DMBT1: variants seen among roughly 807,000 people sequenced by gnomAD.
The protein encoded by DMBT1 is scavenger receptor cysteine-rich domain-containing protein DMBT1.
In DMBT1, 198 loss-of-function variants were observed where a neutral mutation model predicts 252.9. That is an observed-to-expected ratio of 0.78 (90% CI 0.70 to 0.88). DMBT1 has a LOEUF of 0.88. Among genes scored for constraint, DMBT1 ranks in the 40% least tolerant of loss-of-function variants. DMBT1 has a pLI of 0.00. For missense variants in DMBT1, 2,432 were observed against 2,404.7 expected (o/e 1.01, Z -0.24); for synonymous variants, 990 against 942.7 (o/e 1.05, Z -0.92).
At chr10:122,564,138 T>C (rs907412139) in intron 1 of DMBT1, among the ~76,000 whole-genome samples, 12 of 152,344 alleles carry the variant, frequency 7.9e-5, no homozygotes, top group East Asian at 7.7e-4. Flanking sequence ...AAGCCATCAA[T>C]ATGAAGCAGG....
chr10:122,629,805 T>C (rs1447795412), intron 46 of DMBT1, 35 bp from the exon 47 acceptor site: 1 of 1,604,580 alleles, frequency 6.2e-7, no homozygotes, highest in Non-Finnish European at 8.5e-7. Flanking sequence ...CCTGAAGACC[T>C]GGTACAATGG....
In DMBT1 at chr10:122,597,978, A is replaced by G. The variant is rs3980980; in HGVS notation, c.2922A>G (p.Thr974=). Residue 974 remains threonine, a synonymous_variant, in exon 25 of 56, where the codon ACA becomes ACG. Transcript: ENST00000338354. ...TTGTCTCTGTTGCAATTACAGACAC[A>G]TTGCCGACCATCACCTTGCCTGCAT... The part of the protein sequence containing the change: ...AHSWSTPSPD[T]LPTITLPAST... 1,662 of 1,613,292 alleles carry G rather than the reference A, an allele frequency of 1.0e-3. 9 individuals are homozygous for G. In the African/African-American group the frequency reaches 0.012, roughly 11 times the overall value.
At chr10:122,599,142 G>A (rs981878122) in intron 26 of DMBT1, 45 bp downstream of exon 26, 1 of 1,613,208 alleles carries the variant, frequency 6.2e-7, no homozygotes, top group African/African-American at 1.3e-5. Flanking sequence ...GGTGGAGTTT[G>A]CTCCAGAAGA....
intron 8 of DMBT1, among the ~76,000 whole-genome samples, chr10:122,578,048 A>G (rs1321540273): frequency 6.6e-6 from 1 of 152,214 alleles, no homozygotes; most frequent in African/African-American, 2.4e-5. Context: ...CTCAGCTTTC[A>G]TCACACAGTT....
intron 2 of DMBT1, among the ~76,000 whole-genome samples, chr10:122,567,305 A>T (rs555266663): frequency 6.6e-6 from 1 of 152,362 alleles, no homozygotes; most frequent in South Asian, 2.1e-4. Context: ...TCTCTGATCC[A>T]GAAGAGTTGC....
At chr10:122,617,349 C>G in intron 40 of DMBT1, 89 bp downstream of exon 40, 1 of 1,479,600 alleles carries the variant, frequency 6.8e-7, no homozygotes, top group Admixed American at 1.7e-5. Flanking sequence ...CAAGGTGGGC[C>G]CCTCTCTTTT....
intron 8 of DMBT1, among the ~76,000 whole-genome samples, chr10:122,578,186 C>A (rs1281240493): frequency 6.6e-6 from 1 of 152,174 alleles, no homozygotes; most frequent in Non-Finnish European, 1.5e-5. Flanking sequence ...CTCTAATGTT[C>A]TGTTGAAGGC....
chr10:122,620,941 G>A (rs1353696080), intron 43 of DMBT1, 116 bp from the exon 44 acceptor site: 17 of 1,541,644 alleles, frequency 1.1e-5, no homozygotes, highest in African/African-American at 1.4e-5. Flanking sequence ...CATATTCAAA[G>A]GTGATTACCT....
chr10:122,623,342 T>C (rs531094640), intron 44 of DMBT1, among the ~76,000 whole-genome samples: 2 of 152,380 alleles, frequency 1.3e-5, no homozygotes, highest in Middle Eastern at 3.4e-3. Context: ...CTTTTGGCTG[T>C]TGTGAATAAG....
rs368409288 is a variant in DMBT1 at position 122,621,086 on chromosome 10, G to A, written c.5314G>A (p.Val1772Met). The change falls in exon 44 of 56, where the codon GTG (valine) becomes ATG (methionine). Residue 1772 changes from valine to methionine, a missense_variant. Transcript: ENST00000338354. Reference sequence around the variant, plus strand: ...TGAATCCAGTTTGGCTCTGAGGCTGGTGAATGGAGGTGACAGGTGTCGAGG... The same window carrying A: ...TGAATCCAGTTTGGCTCTGAGGCTGATGAATGGAGGTGACAGGTGTCGAGG... ...GSESSLALRL[V>M]NGGDRCRGRV... 3.1e-6 allele frequency: 5 copies of A among 1,613,438 alleles called. No individual in the cohort carries two copies. The African/African-American group carries it at 6.7e-5, about 22-fold the overall frequency.
At chr10:122,639,549 A>G (rs570019789) in intron 54 of DMBT1, among the ~76,000 whole-genome samples, 1 of 152,050 alleles carries the variant, frequency 6.6e-6, no homozygotes, top group Non-Finnish European at 1.5e-5. Context: ...AGGAGAAGGA[A>G]TTTCACAAGG....
At chr10:122,584,597 C>A (rs2097774227) in intron 14 of DMBT1, among the ~76,000 whole-genome samples, 1 of 148,894 alleles carries the variant, frequency 6.7e-6, no homozygotes. Context: ...AGTGGCCAAC[C>A]CTTAGAGGTT....
At chr10:122,599,969 G>C in intron 26 of DMBT1, 95 bp from the exon 27 acceptor site, 3 of 1,507,544 alleles carry the variant, frequency 2.0e-6, no homozygotes, top group Non-Finnish European at 2.8e-6. Flanking sequence ...AGGATGGACT[G>C]AGTGTCAGAC....
chr10:122,592,157 C>A, intron 19 of DMBT1, 115 bp from the exon 20 acceptor site: 1 of 1,463,314 alleles, frequency 6.8e-7, no homozygotes, highest in South Asian at 1.4e-5. Flanking sequence ...CGTATTCAAT[C>A]GTGACTGCTT....
At chr10:122,634,384 CTTTCTT>C (rs2098196790) in intron 52 of DMBT1, among the ~76,000 whole-genome samples, 2 of 136,034 alleles carry the variant, frequency 1.5e-5, no homozygotes, top group African/African-American at 5.6e-5. Flanking sequence ...TTCTTTCTTT[CTTTCTT>C]TCTTTCTTTC....
chr10:122,638,818 C>T (rs1843966741), intron 54 of DMBT1, among the ~76,000 whole-genome samples: 1 of 152,360 alleles, frequency 6.6e-6, no homozygotes, highest in Admixed American at 6.5e-5. Flanking sequence ...TTTTGTTCAT[C>T]TTTGCAACCC....
At chr10:122,629,159 A>G (rs1306654538) in intron 46 of DMBT1, among the ~76,000 whole-genome samples, 3 of 152,214 alleles carry the variant, frequency 2.0e-5, no homozygotes, top group African/African-American at 4.8e-5. Flanking sequence ...AAGAGTTTAT[A>G]TAGACATAGA....
intron 50 of DMBT1, among the ~76,000 whole-genome samples, chr10:122,632,573 C>T (rs1217454201): frequency 6.6e-6 from 1 of 152,134 alleles, no homozygotes; most frequent in South Asian, 2.1e-4. Context: ...TCTTTGCCTG[C>T]CCCCTAATTA....
At chr10:122,578,960 G>A (rs1985796) in intron 9 of DMBT1, among the ~76,000 whole-genome samples, 47,717 of 151,850 alleles carry the variant, frequency 0.31, 7,551 homozygotes, top group South Asian at 0.33. Flanking sequence ...AAGATCATTA[G>A]GAATCATTAG....
Sources: allele counts gnomAD v4.1 joint callset (sites outside exome capture counted in the v4.1 genomes callset), GRCh38; gene constraint gnomAD v4.1.1; transcripts MANE v1.5; gene names NCBI Gene and HGNC (gene_info 2026-07-23, HGNC 2026-07-21).